The following SOX5 variants were observed in gnomAD, a reference collection of about 807,000 sequenced individuals.
SOX5 encodes transcription factor SOX-5.
In SOX5, 9 loss-of-function variants were observed where a neutral mutation model predicts 92.0. The ratio of observed to expected loss-of-function variants is 0.10; its 90% CI spans 0.06 to 0.17. The LOEUF is 0.17. SOX5 is among the 10% of genes least tolerant of loss of function. The pLI is 1.00. For synonymous variants in SOX5, 344 were observed against 336.3 expected (o/e 1.02, Z -0.25); for missense variants, 642 against 944.5 (o/e 0.68, Z 4.20).
intron 1 of SOX5, among the ~76,000 whole-genome samples, chr12:24,534,789 C>T (rs1360192291): frequency 6.6e-6 from 1 of 152,214 alleles, no homozygotes; most frequent in East Asian, 1.9e-4. Flanking sequence ...GCAAGGACAG[C>T]TGCTTCTTCA....
At chr12:23,739,964 C>G (rs1173318480) in intron 5 of SOX5, among the ~76,000 whole-genome samples, 1 of 152,072 alleles carries the variant, frequency 6.6e-6, no homozygotes, top group African/African-American at 2.4e-5. Flanking sequence ...AGGGCTTTGT[C>G]TCTCTGGTTA....
chr12:23,860,190 T>C (rs747971361), intron 2 of SOX5, among the ~76,000 whole-genome samples: 3 of 151,912 alleles, frequency 2.0e-5, no homozygotes, highest in Non-Finnish European at 2.9e-5. Context: ...AAGATAACTA[T>C]TGGGAACTGA....
intron 3 of SOX5, among the ~76,000 whole-genome samples, chr12:24,263,542 AAAAAAAAAAAC>A (rs1942537631): frequency 8.4e-6 from 1 of 118,434 alleles, no homozygotes; most frequent in Non-Finnish European, 1.7e-5. Context: ...AAAAAAAAAC[AAAAAAAAAAAC>A]AAAAACAAGA....
intron 4 of SOX5, among the ~76,000 whole-genome samples, chr12:24,198,048 A>G (rs576095689): frequency 6.6e-6 from 1 of 152,168 alleles, no homozygotes; most frequent in Non-Finnish European, 1.5e-5. Context: ...TCCATCTAAC[A>G]CACATAAAAC....
chr12:23,633,347 G>A (rs1248367519), intron 8 of SOX5, among the ~76,000 whole-genome samples: 1 of 152,076 alleles, frequency 6.6e-6, no homozygotes, highest in Admixed American at 6.6e-5. Context: ...TAGATGGATT[G>A]TTGCCATCAT....
intron 9 of SOX5, among the ~76,000 whole-genome samples, chr12:23,583,204 T>G (rs932383918): frequency 6.6e-6 from 1 of 152,078 alleles, no homozygotes; most frequent in Non-Finnish European, 1.5e-5. Flanking sequence ...CCCTTTAAGA[T>G]CTCTAATTTA....
chr12:24,312,742 T>C (rs1949312478), intron 2 of SOX5, among the ~76,000 whole-genome samples: 1 of 152,218 alleles, frequency 6.6e-6, no homozygotes, highest in African/African-American at 2.4e-5. Flanking sequence ...ATCAAATAAA[T>C]TGCTTTTAAA....
At chr12:24,394,076 T>C (rs1959221536) in intron 1 of SOX5, among the ~76,000 whole-genome samples, 1 of 152,070 alleles carries the variant, frequency 6.6e-6, no homozygotes, top group African/African-American at 2.4e-5. Flanking sequence ...ACTGCCTGGG[T>C]CTATTTCAGG....
chr12:24,141,837 T>A (rs940116111), intron 4 of SOX5, among the ~76,000 whole-genome samples: 1 of 152,278 alleles, frequency 6.6e-6, no homozygotes, highest in East Asian at 1.9e-4. Context: ...GCATAGTTTT[T>A]AAGGGGGTAT....
intron 2 of SOX5, among the ~76,000 whole-genome samples, chr12:24,287,214 A>T (rs888534498): frequency 3.9e-5 from 6 of 152,232 alleles, no homozygotes; most frequent in Admixed American, 2.0e-4. Context: ...TTCATATTTG[A>T]CCCAAAAGAA....
intron 9 of SOX5, among the ~76,000 whole-genome samples, chr12:23,593,458 A>C (rs1235120872): frequency 6.6e-6 from 1 of 152,198 alleles, no homozygotes. Context: ...GCTCTGGATT[A>C]AAATAATCTC....
intron 4 of SOX5, among the ~76,000 whole-genome samples, chr12:24,007,737 AAATATATTTATG>A (rs1475003684): frequency 2.1e-5 from 1 of 48,380 alleles, no homozygotes; most frequent in East Asian, 4.1e-4. Flanking sequence ...AAATGTATAT[AAATATATTTATG>A]TATATAAATG....
Position 24,062,881 on chromosome 12 carries a change from T to C in SOX5, c.-2+150462A>G, listed in dbSNP as rs368749670. ...CAGACTGTGGTTAACACTGCTACTA[T>C]TGATAACAAAAACATCCTAACAACA... is the stretch of plus-strand genomic sequence containing the variant. On this transcript the variant is annotated intron_variant, in intron 4 of 4. Coordinates refer to the SOX5 transcript ENST00000446891. 1.3e-4 allele frequency among the ~76,000 whole-genome samples: 20 copies of C among 152,312 alleles called. No homozygotes were observed. In the East Asian group the frequency reaches 1.5e-3, roughly 12 times the overall value.
At chr12:23,873,675 A>T (rs1207711920) in intron 2 of SOX5, among the ~76,000 whole-genome samples, 1 of 152,190 alleles carries the variant, frequency 6.6e-6, no homozygotes, top group Admixed American at 6.5e-5. Flanking sequence ...TAAATCAAAC[A>T]GTCTCTATTA....
chr12:24,437,700 T>C (rs1693073291), intron 1 of SOX5, among the ~76,000 whole-genome samples: 1 of 152,130 alleles, frequency 6.6e-6, no homozygotes, highest in South Asian at 2.1e-4. Context: ...TCATCACTGG[T>C]CATTAGAGAA....
At chr12:24,000,759 A>C (rs945127255) in intron 4 of SOX5, among the ~76,000 whole-genome samples, 2 of 152,180 alleles carry the variant, frequency 1.3e-5, no homozygotes, top group Non-Finnish European at 2.9e-5. Flanking sequence ...GAGAGACTGT[A>C]ATGCAAGATT....
intron 2 of SOX5, among the ~76,000 whole-genome samples, chr12:23,863,793 TACACACACACACACACACACACACAC>T (rs71059936): frequency 2.1e-5 from 3 of 145,694 alleles, no homozygotes; most frequent in South Asian, 2.2e-4. Flanking sequence ...TTAAACACAC[TACACACACACACACACACACACACAC>T]ACACACACAC....
upstream of SOX5, among the ~76,000 whole-genome samples, chr12:23,951,864 G>C (rs1945694682): frequency 6.6e-6 from 1 of 152,080 alleles, no homozygotes; most frequent in Non-Finnish European, 1.5e-5. Context: ...CTTGTTGTTA[G>C]TCTCAAATTA....
At chr12:23,805,122 C>T (rs1211950478) in intron 3 of SOX5, among the ~76,000 whole-genome samples, 3 of 151,184 alleles carry the variant, frequency 2.0e-5, no homozygotes, top group African/African-American at 7.3e-5. Flanking sequence ...TTCATTACAT[C>T]ATAATTCATT....
Sources: allele counts gnomAD v4.1 joint callset (sites outside exome capture counted in the v4.1 genomes callset), GRCh38; gene constraint gnomAD v4.1.1; transcripts MANE v1.5; gene names NCBI Gene and HGNC (gene_info 2026-07-23, HGNC 2026-07-21).